SLCO4A1: variants seen among roughly 807,000 people sequenced by gnomAD.
SLCO4A1 encodes the protein solute carrier organic anion transporter family member 4A1.
In SLCO4A1, 51 loss-of-function variants were observed where a neutral mutation model predicts 64.6. The observed-to-expected ratio is 0.79, with a 90% CI of 0.63 to 1.00. The LOEUF is 1.00. Ranked by LOEUF, SLCO4A1 falls within the 50% of genes least tolerant of loss-of-function variation. The pLI, the probability that SLCO4A1 is intolerant of heterozygous loss-of-function variation, is 0.00. For missense variants in SLCO4A1, 919 were observed against 980.5 expected, an observed-to-expected ratio of 0.94 and a Z score of 0.84; for synonymous variants, 471 against 444.9, an observed-to-expected ratio of 1.06 and a Z score of -0.74.
intron 1 of SLCO4A1, among the ~76,000 whole-genome samples, chr20:62,652,447 C>A (rs796721368): frequency 6.6e-6 from 1 of 152,094 alleles, no homozygotes; most frequent in Non-Finnish European, 1.5e-5. Context: ...TGCGCCTCCT[C>A]GTCAGTCCCG....
chr20:62,682,130 G>A (rs1452706337), intron 2 of SLCO4A1, among the ~76,000 whole-genome samples: 1 of 152,186 alleles, frequency 6.6e-6, no homozygotes, highest in Non-Finnish European at 1.5e-5. Context: ...GGGAGCCGAC[G>A]GTGTGGTCTG....
chr20:62,682,681 G>A (rs571688493), intron 2 of SLCO4A1, among the ~76,000 whole-genome samples: 13 of 150,252 alleles, frequency 8.7e-5, no homozygotes, highest in African/African-American at 2.9e-4. Flanking sequence ...ACACACAGTT[G>A]TCATGCAGTG....
In SLCO4A1 at chr20:62,667,543, G is replaced by A. The variant is rs529694373; in HGVS notation, c.1473-202G>A. 182 of 609,806 alleles carry A rather than the reference G, an allele frequency of 3.0e-4. 4 individuals are homozygous for A. The South Asian group carries it at 3.4e-3, about 11-fold the overall frequency. 37.8% of individuals were successfully genotyped at this position (609,806 alleles called of 1,614,324 possible). On this transcript the variant is annotated intron_variant, in intron 7 of 11. Transcript: ENST00000217159. ...GGGGGCATGGGTGTGCCTTCCTTGC[G>A]TGAGGAGGAAAAACCATTCTATCAC...
chr20:62,687,078 A>T (rs931464436), downstream of SLCO4A1, among the ~76,000 whole-genome samples: 7 of 146,164 alleles, frequency 4.8e-5, no homozygotes, highest in Non-Finnish European at 9.0e-5. Flanking sequence ...AACAGGCACG[A>T]TGGGAAGGGC....
At chr20:62,648,872 C>G (rs778201259) in intron 1 of SLCO4A1, 4 of 152,260 alleles carry the variant, frequency 2.6e-5, no homozygotes, top group Non-Finnish European at 5.9e-5. Context: ...AGTGACCGCC[C>G]CTGGGCTCCT....
rs746655935 is a variant in SLCO4A1 at position 62,660,497 on chromosome 20, G to A, written c.973G>A (p.Ala325Thr). The A allele has an allele frequency of 1.5e-5, 24 of 1,605,450 alleles. No homozygotes were observed. The highest frequency in any genetic ancestry group is 3.3e-5 in the South Asian group (3 of 91,086). ...CTCTGGGGCCGCTGCTTTCTTCACC[G>A]CCGTTCCCATCCTTGGTTACCCTCG... Reference protein sequence around the residue: ...LGSGAAAFFTAVPILGYPRQL... With the variant: ...LGSGAAAFFTTVPILGYPRQL... The change falls in exon 4 of 12, where the codon GCC (alanine) becomes ACC (threonine). Residue 325 changes from alanine to threonine, a missense_variant. Transcript: ENST00000217159.
rs1054284844 is a variant in SLCO4A1, at chr20:62,669,521, C to T, written c.2025+443C>T. 2.0e-5 allele frequency among the ~76,000 whole-genome samples: 3 copies of T among 152,216 alleles called. 1 individual carries two copies. Among genetic ancestry groups the T allele is most frequent in the South Asian group, 4.1e-4 (2 of 4,834 alleles). On this transcript the variant is annotated intron_variant, in intron 11 of 11. Transcript: ENST00000217159. ...GGTTGCAGCCTCTCCGTGATCAGTG[C>T]GCCTTGGATTCCATTGGATCTCTTA...
chr20:62,646,216 C>G (rs1172749831), intron 1 of SLCO4A1, among the ~76,000 whole-genome samples: 1 of 152,198 alleles, frequency 6.6e-6, no homozygotes. Context: ...CACCACCCGC[C>G]CTGCCTCCTG....
intron 2 of SLCO4A1, among the ~76,000 whole-genome samples, chr20:62,683,954 G>T (rs1236362979): frequency 1.4e-5 from 1 of 72,202 alleles, no homozygotes; most frequent in African/African-American, 5.8e-5. Flanking sequence ...ACACGCTCAC[G>T]CAACGATCTC....
chr20:62,661,989 G>A lies in SLCO4A1; in HGVS notation c.1121+814G>A, dbSNP rs1376057426. On this transcript the variant is annotated intron_variant, in intron 5 of 11. Transcript: ENST00000217159. This position sits in a 1 kb window ranked among gnomAD's most constrained non-coding sequence, Gnocchi z 5.2. Reference sequence around the variant, plus strand: ...ACCACCCAAGTCCTCAGCGTCTGAGGCCCCAGCACGGGGAGACTCTTGTGC... The same window carrying A: ...ACCACCCAAGTCCTCAGCGTCTGAGACCCCAGCACGGGGAGACTCTTGTGC... Among the ~76,000 whole-genome samples, 1 of 152,122 alleles carries A rather than the reference G, an allele frequency of 6.6e-6. No individual in the cohort carries two copies. The highest frequency in any genetic ancestry group is 1.5e-5 in the Non-Finnish European group (1 of 68,000).
At chr20:62,662,716 ACTCCCC>A (rs1985222675) in intron 5 of SLCO4A1, among the ~76,000 whole-genome samples, 1 of 151,390 alleles carries the variant, frequency 6.6e-6, no homozygotes, top group African/African-American at 2.4e-5. Context: ...CCAGGGAGGG[ACTCCCC>A]CAGGGTGCCC....
At position 62,671,850 on chromosome 20, in the gene SLCO4A1, C is replaced by T. The variant is rs1259999226; in HGVS notation, c.2126C>T (p.Ala709Val). The T allele has an allele frequency of 5.0e-6, 8 of 1,613,294 alleles. No homozygotes were observed. Among genetic ancestry groups the T allele is most frequent in the African/African-American group, 1.3e-5 (1 of 74,950 alleles). Residue 709 changes from alanine to valine, a missense_variant, in exon 12 of 12, where the codon GCC (alanine) becomes GTC (valine). Transcript: ENST00000217159. ...LETCLPSQSS[A>V]PDSATDSQLQ... ...ACTTGTCTGCCCAGCCAGTCCTCAG[C>T]CCCTGACAGTGCCACAGATAGCCAG...
intron 2 of SLCO4A1, among the ~76,000 whole-genome samples, chr20:62,681,563 C>G (rs1019115779): frequency 2.0e-5 from 3 of 151,976 alleles, no homozygotes; most frequent in African/African-American, 7.3e-5. Flanking sequence ...CGTGTGTACA[C>G]ACTCGTGTGT....
chr20:62,663,314 G>A (rs1985406932), intron 5 of SLCO4A1: 1 of 152,194 alleles, frequency 6.6e-6, no homozygotes, highest in Non-Finnish European at 1.5e-5. Flanking sequence ...AATGTTCCAG[G>A]CATTCAGAGT....
downstream of SLCO4A1, among the ~76,000 whole-genome samples, chr20:62,673,848 C>G (rs13037524): frequency 0.36 from 55,005 of 151,496 alleles, 10,318 homozygotes; most frequent in East Asian, 0.47. Context: ...CCCACAAAGG[C>G]TTTGACATAG....
intron 2 of SLCO4A1, 48 bp downstream of exon 2, chr20:62,657,298 G>A: frequency 6.8e-7 from 1 of 1,461,354 alleles, no homozygotes; most frequent in Non-Finnish European, 9.2e-7. Flanking sequence ...GCTGAGGGCA[G>A]TGTTGCAGGA....
rs374648729 is a variant in SLCO4A1 at position 62,656,858 on chromosome 20, A to T, written c.404A>T (p.Tyr135Phe). 23 of 1,602,154 alleles carry T rather than the reference A, an allele frequency of 1.4e-5. No homozygotes were observed. Among genetic ancestry groups the T allele is most frequent in the Non-Finnish European group, 1.9e-5 (22 of 1,171,978 alleles). Residue 135 changes from tyrosine (Y) to phenylalanine (F), a missense_variant, in exon 2 of 12, where the codon TAT (tyrosine) becomes TTT (phenylalanine). Physicochemically the swap from Tyr to Phe is conservative, Grantham distance 22. Transcript: ENST00000217159. ...NTVITSLERR[Y>F]DLHSYQSGLI... is the part of the protein sequence containing the mutation. ...GTCATCACCTCCCTGGAGCGCCGCTATGACCTGCACAGCTACCAGAGCGGG... is the reference window on the plus strand; with the variant it reads ...GTCATCACCTCCCTGGAGCGCCGCTTTGACCTGCACAGCTACCAGAGCGGG...
In SLCO4A1 at chr20:62,666,502, C is replaced by T; in HGVS notation, c.1399C>T (p.Leu467=). ...FCLFCTVVSL[L]GILVFSLHCP... ...CCTGTTCTGCACCGTTGTCAGCCTG[C>T]TGGGCATCCTCGTCTTCTCACTGCA... Residue 467 remains leucine, a synonymous_variant, in exon 7 of 12, where the codon CTG becomes TTG. Coordinates refer to ENST00000217159, the MANE Select transcript of SLCO4A1 (RefSeq NM_016354.4). 1 of 1,613,528 alleles carries T rather than the reference C, an allele frequency of 6.2e-7. No individual in the cohort carries two copies. The highest frequency in any genetic ancestry group is 8.5e-7 in the Non-Finnish European group (1 of 1,179,994).
In SLCO4A1 at chr20:62,658,734, C is replaced by T. The variant is rs762409219; in HGVS notation, c.854C>T (p.Ala285Val). ...GCTGCCGGCTACCTGATTGGAGGTG[C>T]CCTGCTGAATATCTACACGGAAATG... ...GPAAGYLIGGALLNIYTEMGR... is the reference protein window; with the variant it reads ...GPAAGYLIGGVLLNIYTEMGR... Residue 285 changes from alanine to valine, a missense_variant, in exon 3 of 12, where the codon GCC (alanine) becomes GTC (valine). Ala to Val is a moderately conservative substitution (Grantham distance 64, BLOSUM62 0). Transcript: ENST00000217159. 6.2e-7 allele frequency: 1 copy of T among 1,611,988 alleles called. No homozygotes were observed. The highest frequency in any genetic ancestry group is 8.5e-7 in the Non-Finnish European group (1 of 1,179,464).
Sources: allele counts gnomAD v4.1 joint callset (sites outside exome capture counted in the v4.1 genomes callset), GRCh38; gene constraint gnomAD v4.1.1; non-coding constraint Gnocchi (gnomAD v3.1); transcripts MANE v1.5; gene names NCBI Gene and HGNC (gene_info 2026-07-23, HGNC 2026-07-21).